Variants in CACNA2D1 observed in about 807,000 individuals in gnomAD.
CACNA2D1 encodes the protein calcium voltage-gated channel auxiliary subunit alpha2delta 1.
In CACNA2D1, 53 loss-of-function variants were observed where a neutral mutation model predicts 171.5. The ratio of observed to expected loss-of-function variants is 0.31; its 90% CI spans 0.25 to 0.39. The LOEUF (loss-of-function observed/expected upper bound fraction) is 0.39, where lower values mean the gene tolerates loss of function less well. CACNA2D1 is among the 10% of genes least tolerant of loss of function. CACNA2D1 has a pLI of 1.00. For missense variants in CACNA2D1, 903 were observed against 1,299.8 expected (o/e 0.69, Z 4.69); for synonymous variants, 442 against 443.1 (o/e 1.00, Z 0.03).
chr7:82,111,089 C>T (rs1463612641), intron 6 of CACNA2D1, among the ~76,000 whole-genome samples: 1 of 151,598 alleles, frequency 6.6e-6, no homozygotes, highest in Non-Finnish European at 1.5e-5. Flanking sequence ...ATAAAGAGAA[C>T]ATTTAATATT....
intron 31 of CACNA2D1, among the ~76,000 whole-genome samples, chr7:81,966,265 T>C (rs1181730519): frequency 6.6e-6 from 1 of 151,646 alleles, no homozygotes; most frequent in East Asian, 1.9e-4. Context: ...TGTTTTAATG[T>C]ATGAAAATCA....
Position 81,984,638 on chromosome 7 carries a change from TG to T in CACNA2D1, c.1869del (p.Arg624AspfsTer7). 1.9e-6 allele frequency: 3 copies of T among 1,552,308 alleles called. No homozygotes were observed. Among genetic ancestry groups the T allele is most frequent in the Admixed American group, 1.8e-5 (1 of 55,642 alleles). On this transcript the variant is annotated frameshift_variant, in exon 22 of 39. Transcript: ENST00000356860. LOFTEE classifies it high-confidence loss of function. ...AAGTCACTTTCACAGTACTTACATC[TG>T]GCCTGAGTTATTGTCTCTTCTAGTT... The part of the protein sequence containing the change: ...KAKLEETITQ[A>X]RSKKGKMKDS...
chr7:82,430,938 CTT>C (rs1025399886), intron 1 of CACNA2D1, among the ~76,000 whole-genome samples: 2 of 152,182 alleles, frequency 1.3e-5, no homozygotes, highest in Non-Finnish European at 2.9e-5. Flanking sequence ...AAAGCTATGA[CTT>C]TTAAAAATAG....
chr7:82,045,293 C>G (rs2131267208), intron 10 of CACNA2D1, among the ~76,000 whole-genome samples: 1 of 152,152 alleles, frequency 6.6e-6, no homozygotes, highest in East Asian at 1.9e-4. Context: ...AATTTGATTG[C>G]TAGCAAAATG....
rs776939237 is a variant in CACNA2D1 at position 82,349,629 on chromosome 7, T to C, written c.116A>G (p.Lys39Arg). 4 of 1,613,806 alleles carry C rather than the reference T, an allele frequency of 2.5e-6. No homozygotes were observed. In the East Asian group the frequency reaches 6.7e-5, roughly 27 times the overall value. Residue 39 changes from lysine (K) to arginine (R), a missense_variant, in exon 2 of 39, where the codon AAG becomes AGG. Lys to Arg is a conservative substitution (Grantham distance 26). This residue lies in a region of CACNA2D1 where 189 missense variants were observed against 266.8 expected (regional missense o/e 0.71). Transcript: ENST00000356860. ...SAVTIKSWVD[K>R]MQEDLVTLAK... ...CAGTGTGACAAGGTCTTCTTGCATCTTATCCACCCATGATTTGATACTGCA... is the reference window on the plus strand; with the variant it reads ...CAGTGTGACAAGGTCTTCTTGCATCCTATCCACCCATGATTTGATACTGCA...
rs1185679605 is a variant in CACNA2D1 at position 82,111,394 on chromosome 7, GTATATATATATTCATA to G, written c.526+5634_526+5649del. Among the ~76,000 whole-genome samples the G allele has an allele frequency of 7.0e-3, 754 of 107,704 alleles. 31 individuals carry two copies. The highest frequency in any genetic ancestry group is 0.025 in the African/African-American group (720 of 28,836). 70.7% of individuals were successfully genotyped at this position (107,704 alleles called of 152,430 possible). ...TATATATTCATATATGTGTATATAT[GTATATATATATTCATA>G]TATGTGTATATATGTGTGTATATAT... On this transcript the variant is annotated intron_variant, in intron 6 of 38. Transcript: ENST00000356860.
At chr7:82,342,990 A>G (rs1036436329) in intron 2 of CACNA2D1, 1 of 152,214 alleles carries the variant, frequency 6.6e-6, no homozygotes, top group Non-Finnish European at 1.5e-5. Flanking sequence ...TCTGAATTAT[A>G]AATTTGTTTA....
chr7:82,065,967 AG>A (rs1807548265), intron 8 of CACNA2D1, among the ~76,000 whole-genome samples: 1 of 152,208 alleles, frequency 6.6e-6, no homozygotes, highest in Non-Finnish European at 1.5e-5. Context: ...GTTTTATGTT[AG>A]GAGAACAAGT....
intron 7 of CACNA2D1, among the ~76,000 whole-genome samples, chr7:82,069,712 C>CT (rs1808087226): frequency 9.6e-5 from 1 of 10,382 alleles, no homozygotes; most frequent in Non-Finnish European, 5.1e-4. Context: ...GCGAAGTACC[C>CT]CTTTTTTTTT....
intron 3 of CACNA2D1, among the ~76,000 whole-genome samples, chr7:82,206,259 A>G (rs920661141): frequency 2.0e-5 from 3 of 151,976 alleles, no homozygotes; most frequent in Admixed American, 6.6e-5. Context: ...ATATATATAT[A>G]TTTGTCGTTG....
chr7:82,097,443 T>A (rs1002375749), intron 6 of CACNA2D1, among the ~76,000 whole-genome samples: 1 of 150,070 alleles, frequency 6.7e-6, no homozygotes, highest in African/African-American at 2.5e-5. Context: ...ATATAGAGAG[T>A]GGAAAGAGAT....
chr7:82,060,630 A>T, intron 9 of CACNA2D1, 103 bp from the exon 10 acceptor site: 1 of 605,054 alleles, frequency 1.7e-6, no homozygotes, highest in Non-Finnish European at 2.8e-6. Context: ...TCTTTTATAT[A>T]TTATTTAAAT....
At chr7:82,377,226 C>A (rs1425171937) in intron 1 of CACNA2D1, among the ~76,000 whole-genome samples, 1 of 152,136 alleles carries the variant, frequency 6.6e-6, no homozygotes, top group Non-Finnish European at 1.5e-5. Context: ...TCTTCTTTTG[C>A]CAAAAAACCT....
At chr7:82,125,727 A>G (rs1053129678) in intron 5 of CACNA2D1, among the ~76,000 whole-genome samples, 2 of 152,132 alleles carry the variant, frequency 1.3e-5, no homozygotes, top group Non-Finnish European at 2.9e-5. Context: ...TAAAAAATAA[A>G]ATTGAACATA....
intron 3 of CACNA2D1, among the ~76,000 whole-genome samples, chr7:82,172,376 C>T (rs1241744501): frequency 1.3e-5 from 2 of 151,948 alleles, no homozygotes; most frequent in East Asian, 3.9e-4. Context: ...ATGGAAGCAA[C>T]TCTTCTATAG....
At chr7:82,003,388 A>G (rs1421624867) in intron 18 of CACNA2D1, among the ~76,000 whole-genome samples, 6 of 151,976 alleles carry the variant, frequency 3.9e-5, no homozygotes, top group Non-Finnish European at 8.8e-5. Flanking sequence ...TTGCTAAAGA[A>G]TTTGTTTTCT....
chr7:81,976,464 C>G (rs796270341), intron 24 of CACNA2D1, among the ~76,000 whole-genome samples: 10 of 152,288 alleles, frequency 6.6e-5, no homozygotes, highest in African/African-American at 2.4e-4. Flanking sequence ...TCACACACAT[C>G]CCTTTTAAGT....
chr7:82,159,300 TAA>T (rs1244355701), intron 4 of CACNA2D1, among the ~76,000 whole-genome samples: 5 of 151,952 alleles, frequency 3.3e-5, no homozygotes, highest in Admixed American at 3.3e-4. Context: ...CTTTTTACCC[TAA>T]GTCTTATCAA....
chr7:82,392,867 A>G (rs946179711), intron 1 of CACNA2D1, among the ~76,000 whole-genome samples: 36 of 151,746 alleles, frequency 2.4e-4, no homozygotes, highest in Admixed American at 1.1e-3. Flanking sequence ...AGGCATTGGG[A>G]AAAAAACAGA....
Sources: allele counts gnomAD v4.1 joint callset (sites outside exome capture counted in the v4.1 genomes callset), GRCh38; gene constraint gnomAD v4.1.1; regional missense constraint gnomAD v4.1.1; transcripts MANE v1.5; gene names NCBI Gene and HGNC (gene_info 2026-07-23, HGNC 2026-07-21).